GJA3: variants seen among roughly 807,000 people sequenced by gnomAD.
The protein encoded by GJA3 is gap junction protein alpha 3.
For missense variants in GJA3, 571 were observed against 620.3 expected (o/e 0.92, Z 0.84); for synonymous variants, 297 against 292.6 (o/e 1.02, Z -0.15).
intron 1 of GJA3, among the ~76,000 whole-genome samples, chr13:20,158,650 G>A (rs1433668605): frequency 6.6e-6 from 1 of 151,860 alleles, no homozygotes; most frequent in African/African-American, 2.4e-5. Flanking sequence ...GGTGGCTCAC[G>A]CCTGTAATTC....
rs1427806694 is a variant in GJA3, at chr13:20,142,417, G to A, written c.872C>T (p.Pro291Leu). ...CAGTTTGAAGTCCGCGGCTGGTGGC[G>A]GGGCCCCGGGGTAGCCCACGGCGCG... is the stretch of plus-strand genomic sequence containing the variant. ...QARAVGYPGA[P>L]PPAADFKLLA... Residue 291 changes from proline to leucine, a missense_variant, in exon 2 of 2, where the codon CCG becomes CTG. Physicochemically the swap from Pro to Leu is moderately conservative, Grantham distance 98. Coordinates refer to ENST00000241125, the MANE Select transcript of GJA3 (RefSeq NM_021954.4). 8.0e-6 allele frequency: 12 copies of A among 1,497,098 alleles called. No individual in the cohort carries two copies. Among genetic ancestry groups the A allele is most frequent in the Non-Finnish European group, 1.1e-5 (12 of 1,123,136 alleles). The allele number at this position is 1,497,098 out of a possible 1,614,324, so 92.7% of individuals were successfully genotyped here.
Position 20,142,580 on chromosome 13 carries a change from G to C in GJA3, c.709C>G (p.Arg237Gly), listed in dbSNP as rs1314893934. Residue 237 changes from arginine to glycine, a missense_variant, in exon 2 of 2, where the codon CGC (arginine) becomes GGC (glycine). Physicochemically the swap from Arg to Gly is moderately radical, Grantham distance 125 (BLOSUM62 -2). Coordinates refer to ENST00000241125, the MANE Select transcript of GJA3 (RefSeq NM_021954.4). Reference sequence around the variant, plus strand: ...GCCTCGGAGGCGTCCGGGCCGAGGCGGCTGGTCACGCCCTGCTTGAGCTTC... The same window carrying C: ...GCCTCGGAGGCGTCCGGGCCGAGGCCGCTGGTCACGCCCTGCTTGAGCTTC... ...WKKLKQGVTS[R>G]LGPDASEAPL... 1.2e-6 allele frequency: 2 copies of C among 1,605,180 alleles called. No individual in the cohort carries two copies. The highest frequency in any genetic ancestry group is 1.7e-4 in the Middle Eastern group (1 of 6,034).
At position 20,144,909 on chromosome 13, in the gene GJA3, G is replaced by A. The variant is rs559495676; in HGVS notation, c.-17-1604C>T. Among the ~76,000 whole-genome samples the A allele has an allele frequency of 1.2e-4, 18 of 152,344 alleles. No individual in the cohort carries two copies. The South Asian group carries it at 2.1e-3, about 18-fold the overall frequency. On this transcript the variant is annotated intron_variant, in intron 1 of 1. Coordinates refer to ENST00000241125, the MANE Select transcript of GJA3 (RefSeq NM_021954.4). Reference sequence around the variant, plus strand: ...TTTTAAAATATTTCAGGCTGGGCGCGGTGGCTCACGCCTGTAATCCCAGCA... The same window carrying A: ...TTTTAAAATATTTCAGGCTGGGCGCAGTGGCTCACGCCTGTAATCCCAGCA...
At chr13:20,150,726 C>G (rs568779172) in intron 1 of GJA3, among the ~76,000 whole-genome samples, 1 of 151,974 alleles carries the variant, frequency 6.6e-6, no homozygotes, top group African/African-American at 2.4e-5. Context: ...CCTGAGGCCC[C>G]GCAGAGCCTG....
chr13:20,142,417 G>T lies in GJA3; in HGVS notation c.872C>A (p.Pro291Gln). The T allele has an allele frequency of 2.0e-6, 3 of 1,497,204 alleles. No homozygotes were observed. Among genetic ancestry groups the T allele is most frequent in the Non-Finnish European group, 2.7e-6 (3 of 1,123,124 alleles). The allele number at this position is 1,497,204 out of a possible 1,614,324, so 92.7% of individuals were successfully genotyped here. ...CAGTTTGAAGTCCGCGGCTGGTGGC[G>T]GGGCCCCGGGGTAGCCCACGGCGCG... The part of the protein sequence containing the change: ...QARAVGYPGA[P>Q]PPAADFKLLA... The change falls in exon 2 of 2, where the codon CCG becomes CAG. Residue 291 changes from proline (P) to glutamine (Q), a missense_variant. Coordinates refer to ENST00000241125, the MANE Select transcript of GJA3 (RefSeq NM_021954.4).
chr13:20,140,522 G>GATACTCAGTAGAATTTCACTCAGAAGA lies in GJA3; in HGVS notation c.*1458_*1459insTCTTCTGAGTGAAATTCTACTGAGTAT, dbSNP rs1958801154. On this transcript the variant is annotated 3_prime_UTR_variant, in exon 2 of 2. Transcript: ENST00000241125. Reference sequence around the variant, plus strand: ...GGCTAATGATACTCAGTAGAAGTTGGAGGTGAAAAGTGTGAGTAGAAACAG... The same window carrying GATACTCAGTAGAATTTCACTCAGAAGA: ...GGCTAATGATACTCAGTAGAAGTTGGATACTCAGTAGAATTTCACTCAGAAGAAGGTGAAAAGTGTGAGTAGAAACAG... 6.6e-6 allele frequency: 1 copy of GATACTCAGTAGAATTTCACTCAGAAGA among 152,234 alleles called. No homozygotes were observed. Among genetic ancestry groups the GATACTCAGTAGAATTTCACTCAGAAGA allele is most frequent in the Non-Finnish European group, 1.5e-5 (1 of 68,040 alleles). The allele number at this position is 152,234 out of a possible 1,614,324, so 9.4% of individuals were successfully genotyped here.
chr13:20,150,851 GC>G (rs1958872870), intron 1 of GJA3, among the ~76,000 whole-genome samples: 1 of 152,140 alleles, frequency 6.6e-6, no homozygotes, highest in Non-Finnish European at 1.5e-5. Context: ...CCTTTAGAGG[GC>G]CCAAAGGATG....
In GJA3 at chr13:20,142,169, G is replaced by C; in HGVS notation, c.1120C>G (p.Leu374Val). The C allele has an allele frequency of 6.6e-7, 1 of 1,515,100 alleles. No homozygotes were observed. Among genetic ancestry groups the C allele is most frequent in the Non-Finnish European group, 8.8e-7 (1 of 1,133,264 alleles). 93.9% of individuals were successfully genotyped at this position (1,515,100 alleles called of 1,614,324 possible). Reference protein sequence around the residue: ...HEAEAGAAPLLLDGSGSSLEG... With the variant: ...HEAEAGAAPLVLDGSGSSLEG... ...AGACTGCTGCCGCTCCCATCCAGCA[G>C]CAGGGGCGCCGCGCCCGCCTCAGCC... Residue 374 changes from leucine to valine, a missense_variant, in exon 2 of 2, where the codon CTG (leucine) becomes GTG (valine). Transcript: ENST00000241125.
chr13:20,144,207 G>A (rs1958829419), intron 1 of GJA3, among the ~76,000 whole-genome samples: 2 of 152,172 alleles, frequency 1.3e-5, no homozygotes, highest in Non-Finnish European at 2.9e-5. Flanking sequence ...TCACCTGACC[G>A]AATGCCCACA....
upstream of GJA3, among the ~76,000 whole-genome samples, chr13:20,161,340 G>T (rs1471955012): frequency 6.6e-6 from 1 of 152,110 alleles, no homozygotes; most frequent in Admixed American, 6.5e-5. Context: ...GCCCGCGCGG[G>T]ACGTGAGAGG....
At chr13:20,151,781 G>T (rs944602062) in intron 1 of GJA3, among the ~76,000 whole-genome samples, 4 of 152,152 alleles carry the variant, frequency 2.6e-5, no homozygotes, top group African/African-American at 9.7e-5. Flanking sequence ...ACTTCAGTGT[G>T]CTGGGAAAGT....
chr13:20,149,023 A>C (rs143738941), intron 1 of GJA3, among the ~76,000 whole-genome samples: 46 of 152,336 alleles, frequency 3.0e-4, no homozygotes, highest in Non-Finnish European at 6.0e-4. Context: ...ATGTTTCAAA[A>C]TTTATGACGC....
At chr13:20,157,677 T>C (rs1466947549) in intron 1 of GJA3, among the ~76,000 whole-genome samples, 2 of 152,242 alleles carry the variant, frequency 1.3e-5, no homozygotes, top group Admixed American at 6.5e-5. Context: ...ATGTATTACA[T>C]GCCTTTTGCA....
At chr13:20,152,311 T>C (rs1014412703) in intron 1 of GJA3, among the ~76,000 whole-genome samples, 74 of 224 alleles carry the variant, frequency 0.33, no homozygotes, top group Admixed American at 0.42. Flanking sequence ...GTTAAGTCTC[T>C]GGAACGAGTC....
chr13:20,161,293 G>A (rs1331900133), upstream of GJA3, among the ~76,000 whole-genome samples: 2 of 152,244 alleles, frequency 1.3e-5, no homozygotes, highest in Non-Finnish European at 2.9e-5. Context: ...ATGTGGACGC[G>A]GGGGCTCTTC....
Position 20,139,834 on chromosome 13 carries a change from T to C in GJA3, c.*2147A>G, listed in dbSNP as rs1395810385. On this transcript the variant is annotated 3_prime_UTR_variant, in exon 2 of 2. Coordinates refer to ENST00000241125, the MANE Select transcript of GJA3 (RefSeq NM_021954.4). ...ATCTCCAACCCCACTCAAAATCAAA[T>C]TGTGGGTAAATAAGAAGCTTGTTAC... 1 of 152,250 alleles carries C rather than the reference T, an allele frequency of 6.6e-6. No individual in the cohort carries two copies. Among genetic ancestry groups the C allele is most frequent in the East Asian group, 1.9e-4 (1 of 5,202 alleles). The allele number at this position is 152,250 out of a possible 1,614,324, so 9.4% of individuals were successfully genotyped here. A position where few individuals can be genotyped will look rare whatever the true frequency, so the allele number is the denominator to read the frequency against.
chr13:20,158,931 A>AAAAAAAAAAAAAG (rs1555340275), intron 1 of GJA3, among the ~76,000 whole-genome samples: 6 of 148,826 alleles, frequency 4.0e-5, no homozygotes, highest in African/African-American at 1.5e-4. Flanking sequence ...AAAAAAAAAA[A>AAAAAAAAAAAAAG]AAAAAGAAAA....
chr13:20,159,091 G>A (rs1238977984), intron 1 of GJA3, among the ~76,000 whole-genome samples: 1 of 151,844 alleles, frequency 6.6e-6, no homozygotes, highest in East Asian at 1.9e-4. Flanking sequence ...CTGTTTTTTA[G>A]AGACATATAT....
chr13:20,160,102 T>G (rs1347314494), intron 1 of GJA3, among the ~76,000 whole-genome samples: 2 of 152,180 alleles, frequency 1.3e-5, no homozygotes, highest in Non-Finnish European at 2.9e-5. Context: ...CCGAGAACTC[T>G]ACATGGTAGG....
Sources: allele counts gnomAD v4.1 joint callset (sites outside exome capture counted in the v4.1 genomes callset), GRCh38; gene constraint gnomAD v4.1.1; transcripts MANE v1.5; gene names NCBI Gene and HGNC (gene_info 2026-07-23, HGNC 2026-07-21).